The following CSPP1 variants were observed in gnomAD, a reference collection of about 807,000 sequenced individuals.
CSPP1 encodes the protein centrosome and spindle pole-associated protein 1.
In CSPP1, 126 loss-of-function variants were observed where a neutral mutation model predicts 164.4. That is an observed-to-expected ratio of 0.77 (90% CI 0.66 to 0.89). The LOEUF (loss-of-function observed/expected upper bound fraction) is 0.89. Among genes scored for constraint, CSPP1 ranks in the 40% least tolerant of loss-of-function variants. The pLI is 0.00. For synonymous variants in CSPP1, 472 were observed against 476.7 expected (o/e 0.99, Z 0.13); for missense variants, 1,395 against 1,449.8 (o/e 0.96, Z 0.61).
At chr8:67,181,631 T>G (rs1269759446) in intron 28 of CSPP1, among the ~76,000 whole-genome samples, 1 of 152,234 alleles carries the variant, frequency 6.6e-6, no homozygotes, top group East Asian at 1.9e-4. Context: ...GTAAAGCTGA[T>G]GGTTTCAGTG....
chr8:67,116,177 A>G, intron 13 of CSPP1, 55 bp downstream of exon 13: 1 of 1,267,582 alleles, frequency 7.9e-7, no homozygotes, highest in Middle Eastern at 1.9e-4. Context: ...GCTATATTTT[A>G]TGTTTAGAAG....
At chr8:67,167,639 C>T (rs539374708) in intron 24 of CSPP1, among the ~76,000 whole-genome samples, 214 of 136,136 alleles carry the variant, frequency 1.6e-3, no homozygotes, top group African/African-American at 4.6e-3. Flanking sequence ...CGGGCAGAGA[C>T]GCTCCTCACC....
At chr8:67,154,759 C>G (rs1008312708) in intron 19 of CSPP1, among the ~76,000 whole-genome samples, 1 of 152,046 alleles carries the variant, frequency 6.6e-6, no homozygotes, top group Admixed American at 6.5e-5. Context: ...CTTTGGTCCC[C>G]CGAAGTGCTG....
intron 19 of CSPP1, among the ~76,000 whole-genome samples, chr8:67,156,604 C>T (rs1826714162): frequency 6.6e-6 from 1 of 152,024 alleles, no homozygotes; most frequent in Admixed American, 6.6e-5. Flanking sequence ...TTTATTATTA[C>T]TGTCAACAAT....
chr8:67,169,879 G>A (rs954385913), intron 24 of CSPP1, among the ~76,000 whole-genome samples: 7 of 152,110 alleles, frequency 4.6e-5, no homozygotes, highest in Non-Finnish European at 8.8e-5. Flanking sequence ...TCCCAAGTAG[G>A]TGGGACTACA....
intron 26 of CSPP1, 25 bp downstream of exon 26, chr8:67,175,461 A>C (rs764843751): frequency 1.9e-6 from 3 of 1,613,188 alleles, no homozygotes; most frequent in Admixed American, 3.3e-5. Flanking sequence ...TTGCTGTGTC[A>C]AATAGTATCA....
chr8:67,078,812 A>G (rs1808506692), intron 3 of CSPP1, among the ~76,000 whole-genome samples: 1 of 152,104 alleles, frequency 6.6e-6, no homozygotes, highest in Non-Finnish European at 1.5e-5. Context: ...CTCTACTAAA[A>G]ATACAAAAAA....
intron 17 of CSPP1, among the ~76,000 whole-genome samples, chr8:67,142,577 T>C (rs993589716): frequency 6.6e-6 from 1 of 152,210 alleles, no homozygotes. Flanking sequence ...TTGATAGATA[T>C]TTGGGCTGTT....
In CSPP1 at chr8:67,095,498, G is replaced by T. The variant is rs2129545486; in HGVS notation, c.689G>T (p.Arg230Ile). Residue 230 changes from arginine to isoleucine, a missense_variant, in exon 7 of 31, where the codon AGA becomes ATA. Physicochemically the swap from Arg to Ile is moderately conservative, Grantham distance 97 (BLOSUM62 -3). Transcript: ENST00000678616. ...LDDEIELRNR[R>I]IIKKANEEVG... ...GATGAAATCGAATTAAGGAATAGAA[G>T]AATTATTAAAAAAGCAAATGAAGAA... 4.3e-6 allele frequency: 7 copies of T among 1,613,306 alleles called. No homozygotes were observed. In the East Asian group the frequency reaches 1.6e-4, roughly 36 times the overall value.
chr8:67,155,020 A>G (rs1402758582), intron 19 of CSPP1, among the ~76,000 whole-genome samples: 3 of 152,222 alleles, frequency 2.0e-5, no homozygotes, highest in African/African-American at 4.8e-5. Flanking sequence ...ATTTATGTAC[A>G]TAAGTAAATG....
chr8:67,180,447 G>A (rs191840360), intron 28 of CSPP1, among the ~76,000 whole-genome samples: 2 of 152,288 alleles, frequency 1.3e-5, no homozygotes, highest in African/African-American at 4.8e-5. Flanking sequence ...AGGGAGAGGT[G>A]TATATGGTTA....
At position 67,132,575 on chromosome 8, in the gene CSPP1, G is replaced by T. The variant is rs111560838; in HGVS notation, c.1827+495G>T. Reference sequence around the variant, plus strand: ...GGACAATTGGGAAGAGATTGGCAGAGAAATTATTTAGTAGATAGTCCAGTA... The same window carrying T: ...GGACAATTGGGAAGAGATTGGCAGATAAATTATTTAGTAGATAGTCCAGTA... On this transcript the variant is annotated intron_variant, in intron 16 of 30. Coordinates refer to ENST00000678616, the MANE Select transcript of CSPP1 (RefSeq NM_001382391.1). Among the ~76,000 whole-genome samples, 1,228 of 152,310 alleles carry T rather than the reference G, an allele frequency of 8.1e-3. 11 individuals carry two copies. The highest frequency in any genetic ancestry group is 0.013 in the Non-Finnish European group (887 of 68,024).
chr8:67,075,571 A>T (rs1256746747), intron 2 of CSPP1, among the ~76,000 whole-genome samples: 2 of 152,222 alleles, frequency 1.3e-5, no homozygotes, highest in African/African-American at 2.4e-5. Context: ...GAGTAAACTG[A>T]GGCAAGTTAA....
In CSPP1 at chr8:67,131,839, CCTT is replaced by C. The variant is rs1286571982; in HGVS notation, c.1698-109_1698-107del. The C allele has an allele frequency of 7.5e-6, 7 of 933,722 alleles. No individual in the cohort carries two copies. The East Asian group carries it at 1.1e-4, about 15-fold the overall frequency. 57.8% of individuals were successfully genotyped at this position (933,722 alleles called of 1,614,324 possible). A position where few individuals can be genotyped will look rare whatever the true frequency, so the allele number is the denominator to read the frequency against. On this transcript the variant is annotated intron_variant, in intron 15 of 30. Transcript: ENST00000678616. ...TCCTCTTTGGCCTATAGAGAAATAT[CCTT>C]CTGTATTTTTAAATGTATTTATATG...
intron 2 of CSPP1, chr8:67,074,849 C>T (rs1441757275): frequency 4.1e-6 from 1 of 243,672 alleles, no homozygotes; most frequent in East Asian, 1.6e-4. Context: ...GGTGTGATCT[C>T]AGCTCGCCAC....
chr8:67,194,175 C>T (rs189541589), intron 30 of CSPP1, among the ~76,000 whole-genome samples: 2 of 152,300 alleles, frequency 1.3e-5, no homozygotes, highest in East Asian at 3.9e-4. Context: ...AGCCCTACAC[C>T]ACCCTTTTCT....
At chr8:67,065,163 G>T (rs1367738296) in intron 1 of CSPP1, among the ~76,000 whole-genome samples, 2 of 152,104 alleles carry the variant, frequency 1.3e-5, no homozygotes, top group Non-Finnish European at 1.5e-5. Flanking sequence ...AATCTTCACC[G>T]TAGCTCGTAG....
chr8:67,190,956 A>G (rs906708770), intron 29 of CSPP1, among the ~76,000 whole-genome samples, 197 bp downstream of exon 29: 8 of 152,166 alleles, frequency 5.3e-5, no homozygotes, highest in East Asian at 1.9e-4. Context: ...CCAGATAATA[A>G]TAGTATTTTC....
chr8:67,071,388 C>T (rs1350440587), intron 1 of CSPP1, among the ~76,000 whole-genome samples: 18 of 148,828 alleles, frequency 1.2e-4, no homozygotes, highest in African/African-American at 3.7e-4. Flanking sequence ...TTTTTTTTTC[C>T]CCCAGCTTCA....
Sources: allele counts gnomAD v4.1 joint callset (sites outside exome capture counted in the v4.1 genomes callset), GRCh38; gene constraint gnomAD v4.1.1; transcripts MANE v1.5; gene names NCBI Gene and HGNC (gene_info 2026-07-23, HGNC 2026-07-21).